LCMT1: variants seen among roughly 807,000 people sequenced by gnomAD.
LCMT1 encodes the protein [Phosphatase 2A protein]-leucine-carboxy methyltransferase 1.
Under a neutral mutation model 47.7 loss-of-function variants are expected in LCMT1, and 32 were observed. That is an observed-to-expected ratio of 0.67 (90% confidence interval 0.51 to 0.90). The LOEUF is 0.90. Ranked by LOEUF, LCMT1 falls within the 40% of genes least tolerant of loss-of-function variation. The pLI, the probability that LCMT1 is intolerant of heterozygous loss-of-function variation, is 0.00. For missense variants in LCMT1, 375 were observed against 415.2 expected (o/e 0.90, Z 0.84); for synonymous variants, 152 against 149.7 (o/e 1.02, Z -0.11).
chr16:25,176,234 G>T (rs1304672740), intron 10 of LCMT1, among the ~76,000 whole-genome samples: 1 of 152,092 alleles, frequency 6.6e-6, no homozygotes, highest in African/African-American at 2.4e-5. Flanking sequence ...TCCCCCAGTG[G>T]TTAGGCTTTG....
intron 2 of LCMT1, among the ~76,000 whole-genome samples, chr16:25,130,633 G>C (rs1156349536): frequency 6.6e-6 from 1 of 151,726 alleles, no homozygotes; most frequent in Non-Finnish European, 1.5e-5. Flanking sequence ...GTGACAGAGC[G>C]AGACCCTGTC....
At chr16:25,146,920 A>G (rs1597584933) in intron 4 of LCMT1, 1 of 152,202 alleles carries the variant, frequency 6.6e-6, no homozygotes, top group African/African-American at 2.4e-5. Context: ...AAAGTGGCTC[A>G]TTCTAGCTTT....
At position 25,138,062 on chromosome 16, in the gene LCMT1, C is replaced by T. The variant is rs139850060; in HGVS notation, c.328-2109C>T. Among the ~76,000 whole-genome samples the T allele has an allele frequency of 7.7e-3, 1,179 of 152,336 alleles. 9 individuals are homozygous for T. The highest frequency in any genetic ancestry group is 0.015 in the Admixed American group (231 of 15,294). On this transcript the variant is annotated intron_variant, in intron 3 of 10. Transcript: ENST00000399069. ...GAAACAAGGTGTCACCCTAACTTTC[C>T]TTTTCCTCCATCCCATCCTCTACCA...
intron 9 of LCMT1, among the ~76,000 whole-genome samples, chr16:25,173,423 T>C (rs191220872): frequency 1.3e-5 from 2 of 152,366 alleles, no homozygotes; most frequent in East Asian, 3.9e-4. Context: ...CATTACTTTA[T>C]GTGTAGGCAT....
Position 25,140,234 on chromosome 16 carries a change from C to A in LCMT1, c.391C>A (p.Leu131Met). Residue 131 changes from leucine to methionine, a missense_variant, in exon 4 of 11, where the codon CTG (leucine) becomes ATG (methionine). Transcript: ENST00000399069. ...CTTTCCAATGATTGTCACGAGAAAG[C>A]TGCACAGTATCAAGTAAGTGTGGCA... ...VDFPMIVTRK[L>M]HSIKCKPPLS... 1 of 1,600,196 alleles carries A rather than the reference C, an allele frequency of 6.2e-7. No individual in the cohort carries two copies. The highest frequency in any genetic ancestry group is 8.5e-7 in the Non-Finnish European group (1 of 1,172,586).
intron 3 of LCMT1, among the ~76,000 whole-genome samples, chr16:25,137,989 T>C (rs1446366908): frequency 6.6e-6 from 1 of 152,156 alleles, no homozygotes; most frequent in Non-Finnish European, 1.5e-5. Context: ...CCATCTCTTG[T>C]TACTGTCTCC....
rs202224618 is a variant in LCMT1, at chr16:25,139,248, GTTTACTGAC to G, written c.328-919_328-911del. Reference sequence around the variant, plus strand: ...AAACAAGTAAATCCTGGCCCAGTGAGTTTACTGACTTTCCCAAGACCTTACAGCATGTAA... The same window carrying G: ...AAACAAGTAAATCCTGGCCCAGTGAGTTTCCCAAGACCTTACAGCATGTAA... On this transcript the variant is annotated intron_variant, in intron 3 of 10. Coordinates refer to ENST00000399069, the MANE Select transcript of LCMT1 (RefSeq NM_016309.3). Among the ~76,000 whole-genome samples, 17 of 152,226 alleles carry G rather than the reference GTTTACTGAC, an allele frequency of 1.1e-4. No homozygotes were observed. The East Asian group carries it at 3.3e-3, about 29-fold the overall frequency.
intron 5 of LCMT1, among the ~76,000 whole-genome samples, chr16:25,154,393 G>A (rs912765911): frequency 6.6e-6 from 1 of 151,810 alleles, no homozygotes; most frequent in African/African-American, 2.4e-5. Flanking sequence ...TTGGACTTTG[G>A]GACCTCTTGT....
At chr16:25,132,918 C>G (rs930979302) in intron 3 of LCMT1, among the ~76,000 whole-genome samples, 16 of 150,474 alleles carry the variant, frequency 1.1e-4, no homozygotes, top group Non-Finnish European at 1.9e-4. Flanking sequence ...AACGCAATGG[C>G]ACAATCATGG....
At chr16:25,143,498 C>A (rs1419082968) in intron 4 of LCMT1, 1 of 152,158 alleles carries the variant, frequency 6.6e-6, no homozygotes, top group African/African-American at 2.4e-5. Flanking sequence ...GAAATTACTT[C>A]CTTTAGTGAA....
chr16:25,172,020 A>G (rs1428646166), intron 9 of LCMT1, among the ~76,000 whole-genome samples: 1 of 152,134 alleles, frequency 6.6e-6, no homozygotes, highest in Non-Finnish European at 1.5e-5. Context: ...TTAAGGGTAC[A>G]TAGGGCCAGG....
Position 25,132,392 on chromosome 16 carries a change from T to TC in LCMT1, c.206-4dup, listed in dbSNP as rs375589046. ...TGATAGCTTGTTTCTGTGCCTCCCCTCCCCCCTAGGATATTTTGCTCGAGT... is the reference window on the plus strand; with the variant it reads ...TGATAGCTTGTTTCTGTGCCTCCCCTCCCCCCCTAGGATATTTTGCTCGAGT... On this transcript the variant is annotated splice_polypyrimidine_tract_variant and intron_variant, in intron 2 of 10. Coordinates refer to ENST00000399069, the MANE Select transcript of LCMT1 (RefSeq NM_016309.3). 1,494 of 1,612,824 alleles carry TC rather than the reference T, an allele frequency of 9.3e-4. 23 individuals are homozygous for TC. In the African/African-American group the frequency reaches 0.018, roughly 19 times the overall value.
At chr16:25,116,996 C>T (rs1266968948) in intron 1 of LCMT1, among the ~76,000 whole-genome samples, 1 of 152,034 alleles carries the variant, frequency 6.6e-6, no homozygotes, top group Admixed American at 6.6e-5. Context: ...ATTAGGTGAA[C>T]TTGACAGAGA....
intron 8 of LCMT1, 40 bp downstream of exon 8, chr16:25,169,253 G>T: frequency 7.6e-7 from 1 of 1,313,650 alleles, no homozygotes; most frequent in Non-Finnish European, 1.1e-6. Context: ...TGGACCCTTA[G>T]TCAACCAAGA....
chr16:25,152,022 C>A (rs1371934490), intron 5 of LCMT1, among the ~76,000 whole-genome samples: 1 of 152,002 alleles, frequency 6.6e-6, no homozygotes, highest in Non-Finnish European at 1.5e-5. Context: ...TCATAGGTCC[C>A]ATGTATAAAA....
chr16:25,168,298 C>T (rs1056325736), intron 7 of LCMT1, among the ~76,000 whole-genome samples: 4 of 152,210 alleles, frequency 2.6e-5, no homozygotes, highest in Admixed American at 2.6e-4. Context: ...ATCCACCTGC[C>T]TCAGCCTCCC....
intron 7 of LCMT1, among the ~76,000 whole-genome samples, chr16:25,167,761 T>C (rs1343271385): frequency 6.6e-5 from 10 of 152,126 alleles, no homozygotes; most frequent in Non-Finnish European, 1.3e-4. Flanking sequence ...AACTTATTTA[T>C]TTATTTATTT....
intron 1 of LCMT1, among the ~76,000 whole-genome samples, chr16:25,115,153 T>A (rs1202360386): frequency 6.6e-6 from 1 of 152,218 alleles, no homozygotes; most frequent in Non-Finnish European, 1.5e-5. Flanking sequence ...TCTCCAGCTC[T>A]GACCCCTTTT....
chr16:25,127,827 T>TGTAG (rs1283113978), intron 1 of LCMT1, among the ~76,000 whole-genome samples: 1 of 152,226 alleles, frequency 6.6e-6, no homozygotes, highest in Non-Finnish European at 1.5e-5. Flanking sequence ...CTAAAGCTGG[T>TGTAG]TCTACTCATG....
Sources: gnomAD v4.1 joint callset for allele counts (sites outside exome capture counted in the v4.1 genomes callset) on GRCh38, gnomAD v4.1.1 for gene constraint, MANE v1.5 for transcripts, NCBI Gene and HGNC (gene_info 2026-07-23, HGNC 2026-07-21) for gene names.